The following MGAT4C variants were observed in gnomAD, a reference collection of about 807,000 sequenced individuals.
MGAT4C encodes alpha-1,3-mannosyl-glycoprotein 4-beta-N-acetylglucosaminyltransferase C.
MGAT4C carries 19 observed loss-of-function variants against 40.1 expected under a neutral mutation model. The observed-to-expected ratio is 0.47, with a 90% CI of 0.33 to 0.70. MGAT4C has a LOEUF of 0.70. MGAT4C is among the 30% of genes least tolerant of loss of function. MGAT4C has a pLI of 0.02. For missense variants in MGAT4C, 491 were observed against 563.2 expected, an observed-to-expected ratio of 0.87 and a Z score of 1.30; for synonymous variants, 181 against 187.1, an observed-to-expected ratio of 0.97 and a Z score of 0.27.
chr12:86,557,287 C>T (rs1456239615), intron 2 of MGAT4C, among the ~76,000 whole-genome samples: 2 of 152,224 alleles, frequency 1.3e-5, no homozygotes, highest in Non-Finnish European at 2.9e-5. Context: ...TTTCTGTTGA[C>T]CACAATAATA....
intron 2 of MGAT4C, among the ~76,000 whole-genome samples, chr12:86,667,381 G>A (rs998352854): frequency 4.6e-5 from 7 of 152,028 alleles, no homozygotes; most frequent in Admixed American, 6.6e-5. Flanking sequence ...TTTTAATTTC[G>A]AGACAGTAGG....
chr12:86,168,388 A>AT (rs1289797514), intron 1 of MGAT4C, among the ~76,000 whole-genome samples: 2 of 152,268 alleles, frequency 1.3e-5, no homozygotes, highest in South Asian at 2.1e-4. Context: ...CTTATTCAGC[A>AT]TTTTTTTCAG....
chr12:86,574,520 G>A (rs548032221), intron 2 of MGAT4C, among the ~76,000 whole-genome samples: 1 of 151,418 alleles, frequency 6.6e-6, no homozygotes, highest in Admixed American at 6.6e-5. Context: ...ATTATATTTG[G>A]AACCAGCTGG....
intron 2 of MGAT4C, chr12:86,495,322 G>A (rs1335743001): frequency 2.6e-5 from 4 of 152,044 alleles, no homozygotes; most frequent in Non-Finnish European, 5.9e-5. Flanking sequence ...GGACCTAAAG[G>A]AAGAACAAAG....
intron 2 of MGAT4C, among the ~76,000 whole-genome samples, chr12:86,619,135 A>G (rs1962557997): frequency 6.6e-6 from 1 of 152,146 alleles, no homozygotes. Context: ...ATCATTTCAT[A>G]TAAGGAACTT....
intron 1 of MGAT4C, among the ~76,000 whole-genome samples, chr12:86,073,345 T>A (rs1438877679): frequency 6.6e-6 from 1 of 152,186 alleles, no homozygotes; most frequent in Non-Finnish European, 1.5e-5. Flanking sequence ...ATCAGTAGCA[T>A]GAGAACTGAC....
intron 1 of MGAT4C, among the ~76,000 whole-genome samples, chr12:86,086,081 G>A (rs757889906): frequency 1.1e-4 from 17 of 151,946 alleles, no homozygotes; most frequent in Non-Finnish European, 1.8e-4. Flanking sequence ...CTATAAAGAC[G>A]CATGTACAAG....
intron 2 of MGAT4C, among the ~76,000 whole-genome samples, chr12:86,008,120 A>G (rs180769017): frequency 6.6e-5 from 10 of 152,172 alleles, no homozygotes; most frequent in Non-Finnish European, 1.2e-4. Context: ...TTTATCATCA[A>G]TTGTCAATTT....
At chr12:86,481,070 C>T (rs748581400) in intron 2 of MGAT4C, among the ~76,000 whole-genome samples, 1 of 151,866 alleles carries the variant, frequency 6.6e-6, no homozygotes, top group African/African-American at 2.4e-5. Flanking sequence ...GTGATCATAA[C>T]AAACATCAAA....
intron 2 of MGAT4C, among the ~76,000 whole-genome samples, chr12:86,635,014 G>T (rs1447795116): frequency 6.6e-6 from 1 of 152,114 alleles, no homozygotes; most frequent in Non-Finnish European, 1.5e-5. Context: ...AGTAATTGTA[G>T]CTCTTACGTC....
intron 1 of MGAT4C, among the ~76,000 whole-genome samples, chr12:86,141,555 T>G (rs1426823195): frequency 6.6e-6 from 1 of 152,126 alleles, no homozygotes; most frequent in Admixed American, 6.6e-5. Flanking sequence ...ACAATATACC[T>G]TACTATTGTA....
At chr12:86,362,756 A>G (rs1955506684) in intron 3 of MGAT4C, among the ~76,000 whole-genome samples, 1 of 150,988 alleles carries the variant, frequency 6.6e-6, no homozygotes, top group South Asian at 2.1e-4. Flanking sequence ...AGTCCCAGCT[A>G]CCTGGGAGGC....
chr12:86,015,979 A>G (rs910038724), intron 2 of MGAT4C: 2 of 152,150 alleles, frequency 1.3e-5, no homozygotes, highest in African/African-American at 4.8e-5. Context: ...ATTATTTCAC[A>G]TTGAACGCCA....
At position 85,976,229 on chromosome 12, in the gene MGAT4C, G is replaced by A. The variant is rs1387301740; in HGVS notation, c.*3060C>T. On this transcript the variant is annotated 3_prime_UTR_variant, in exon 5 of 5. Coordinates refer to ENST00000611864, the MANE Select transcript of MGAT4C (RefSeq NM_001351288.2). ...CTATATGAAAGAAATAGATCTAAACGACAGGTTGGTTTCCAAATTATATTT... is the reference window on the plus strand; with the variant it reads ...CTATATGAAAGAAATAGATCTAAACAACAGGTTGGTTTCCAAATTATATTT... The A allele has an allele frequency of 1.3e-5, 2 of 150,914 alleles. No homozygotes were observed. The allele number at this position is 150,914 out of a possible 1,614,324, so 9.3% of individuals were successfully genotyped here.
At chr12:86,136,796 T>C (rs994474258) in intron 1 of MGAT4C, among the ~76,000 whole-genome samples, 1 of 151,978 alleles carries the variant, frequency 6.6e-6, no homozygotes, top group African/African-American at 2.4e-5. Context: ...TCAAGTGATT[T>C]CCTGCCTCAG....
intron 2 of MGAT4C, among the ~76,000 whole-genome samples, chr12:86,637,428 C>T (rs962691186): frequency 2.0e-5 from 3 of 151,804 alleles, no homozygotes; most frequent in Non-Finnish European, 4.4e-5. Flanking sequence ...TGAGTGAATA[C>T]CCAGGATTAT....
intron 1 of MGAT4C, among the ~76,000 whole-genome samples, chr12:86,144,556 A>G (rs1423157980): frequency 6.6e-6 from 1 of 152,206 alleles, no homozygotes. Context: ...GCAGAACACT[A>G]AAAGCTATTG....
At chr12:86,124,114 G>A (rs2135691236) in intron 1 of MGAT4C, among the ~76,000 whole-genome samples, 1 of 152,132 alleles carries the variant, frequency 6.6e-6, no homozygotes, top group Non-Finnish European at 1.5e-5. Flanking sequence ...AGATAACACG[G>A]ACTGTATACA....
chr12:86,827,416 T>C lies in MGAT4C; in HGVS notation c.-262+11250A>G, dbSNP rs73395150. On this transcript the variant is annotated intron_variant, in intron 1 of 7. Coordinates refer to the MGAT4C transcript ENST00000548651. ...ATATTTCCTACTGAGTTTTTCTCAA[T>C]AGTATTTTTCTGTAAACAAAATATC... 3.5e-3 allele frequency among the ~76,000 whole-genome samples: 524 copies of C among 151,648 alleles called. 6 individuals carry two copies. Among genetic ancestry groups the C allele is most frequent in the African/African-American group, 0.012 (508 of 41,502 alleles).
Sources: gnomAD v4.1 joint callset for allele counts (sites outside exome capture counted in the v4.1 genomes callset) on GRCh38, gnomAD v4.1.1 for gene constraint, MANE v1.5 for transcripts, NCBI Gene and HGNC (gene_info 2026-07-23, HGNC 2026-07-21) for gene names.